ARHGAP11A: variants seen among roughly 807,000 people sequenced by gnomAD.
ARHGAP11A encodes rho GTPase-activating protein 11A.
Under a neutral mutation model 60.5 loss-of-function variants are expected in ARHGAP11A, and 36 were observed. That is an observed-to-expected ratio of 0.59 (90% confidence interval 0.46 to 0.79). The LOEUF is 0.79. Ranked by LOEUF, ARHGAP11A falls within the 30% of genes least tolerant of loss-of-function variation. ARHGAP11A has a pLI of 0.00. For missense variants in ARHGAP11A, 1,071 were observed against 1,199.2 expected, an observed-to-expected ratio of 0.89 and a Z score of 1.58; for synonymous variants, 362 against 415.5, an observed-to-expected ratio of 0.87 and a Z score of 1.57.
chr15:32,616,289 C>G lies in ARHGAP11A; in HGVS notation c.78C>G (p.Val26=), dbSNP rs770793060. Residue 26 remains valine (V), a synonymous_variant, in exon 1 of 12, where the codon GTC becomes GTG. Coordinates refer to ENST00000361627, the MANE Select transcript of ARHGAP11A (RefSeq NM_014783.6). ...RAFYGIKVKG[V]RGQCDRRRHE... is the part of the protein sequence containing the mutation. ...TCTATGGTATTAAGGTGAAGGGTGT[C>G]CGTGGGCAGTGCGATCGCAGGAGAC... 11 of 1,613,816 alleles carry G rather than the reference C, an allele frequency of 6.8e-6. No homozygotes were observed. Among genetic ancestry groups the G allele is most frequent in the Non-Finnish European group, 8.5e-6 (10 of 1,179,992 alleles).
chr15:32,635,889 A>T lies in ARHGAP11A; in HGVS notation c.1457A>T (p.Asp486Val), dbSNP rs753853847. Residue 486 changes from aspartate (D) to valine (V), a missense_variant, in exon 11 of 12, where the codon GAT becomes GTT. Asp to Val is a radical substitution (Grantham distance 152). Around this residue, in one of 4 missense-constraint regions of ARHGAP11A, gnomAD observed 776 missense variants for 760.2 expected, o/e 1.02. Transcript: ENST00000361627. ...AAAACAGGTTTGCTTTTTAGCCCAG[A>T]TGTTGATGAAAAGTTACCAAAGAAA... ...SVKTGLLFSP[D>V]VDEKLPKKGS... The T allele has an allele frequency of 3.7e-6, 6 of 1,610,098 alleles. No individual in the cohort carries two copies. The highest frequency in any genetic ancestry group is 5.1e-6 in the Non-Finnish European group (6 of 1,178,900).
rs947101704 is a variant in ARHGAP11A, at chr15:32,615,917, A to T, written c.-295A>T. 4.4e-6 allele frequency: 2 copies of T among 452,502 alleles called. No homozygotes were observed. Among genetic ancestry groups the T allele is most frequent in the East Asian group, 7.1e-5 (2 of 28,152 alleles). 28.0% of individuals were successfully genotyped at this position (452,502 alleles called of 1,614,324 possible). A position where few individuals can be genotyped will look rare whatever the true frequency, so the allele number is the denominator to read the frequency against. On this transcript the variant is annotated 5_prime_UTR_variant, in exon 1 of 12. The change abolishes an upstream ATG in the 5' untranslated region. Coordinates refer to ENST00000361627, the MANE Select transcript of ARHGAP11A (RefSeq NM_014783.6). ...AACCGAAAGAATCAGAAAGAAGTCT[A>T]TGTGAGTAGCTGAAAGCATTGGGTG...
At chr15:32,627,811 C>CTTT (rs369719619) in intron 6 of ARHGAP11A, among the ~76,000 whole-genome samples, 7 of 135,760 alleles carry the variant, frequency 5.2e-5, no homozygotes, top group African/African-American at 1.1e-4. Flanking sequence ...TTAAGGCTCA[C>CTTT]TTTTTTTTTT....
intron 1 of ARHGAP11A, among the ~76,000 whole-genome samples, chr15:32,617,929 C>T (rs1348861561): frequency 6.6e-6 from 1 of 152,140 alleles, no homozygotes; most frequent in Non-Finnish European, 1.5e-5. Context: ...ACGTATTTCT[C>T]CTTGGATTAT....
intron 1 of ARHGAP11A, 26 bp downstream of exon 1, chr15:32,616,366 G>C: frequency 6.2e-7 from 1 of 1,612,766 alleles, no homozygotes; most frequent in Non-Finnish European, 8.5e-7. Flanking sequence ...AGGGATTTAG[G>C]TTTAAAAGAA....
chr15:32,630,836 A>G (rs1436347213), intron 8 of ARHGAP11A, among the ~76,000 whole-genome samples: 1 of 151,974 alleles, frequency 6.6e-6, no homozygotes, highest in Admixed American at 6.6e-5. Context: ...CAGGTTGGAG[A>G]CTTAAACTTT....
At chr15:32,634,769 A>G (rs1327334122) in intron 10 of ARHGAP11A, among the ~76,000 whole-genome samples, 5 of 152,182 alleles carry the variant, frequency 3.3e-5, no homozygotes, top group African/African-American at 1.2e-4. Context: ...TAAGCCAAAA[A>G]CCATGGTCAA....
At chr15:32,616,384 A>G in intron 1 of ARHGAP11A, 44 bp downstream of exon 1, 1 of 1,610,820 alleles carries the variant, frequency 6.2e-7, no homozygotes, top group Non-Finnish European at 8.5e-7. Flanking sequence ...GAAAGGGCAC[A>G]CCCTTTATCA....
At chr15:32,622,789 T>C (rs932590001) in intron 2 of ARHGAP11A, among the ~76,000 whole-genome samples, 2 of 152,158 alleles carry the variant, frequency 1.3e-5, no homozygotes, top group African/African-American at 2.4e-5. Flanking sequence ...AGGGATAATG[T>C]TGGGGTGAGG....
Position 32,633,026 on chromosome 15 carries a change from C to A in ARHGAP11A, c.1153C>A (p.Pro385Thr). 1 of 1,614,042 alleles carries A rather than the reference C, an allele frequency of 6.2e-7. No homozygotes were observed. The highest frequency in any genetic ancestry group is 8.5e-7 in the Non-Finnish European group (1 of 1,179,926). Residue 385 changes from proline (P) to threonine (T), a missense_variant, in exon 9 of 12, where the codon CCT becomes ACT. By Grantham distance (38) the Pro-to-Thr change is conservative (BLOSUM62 -1). Around this residue, in one of 4 missense-constraint regions of ARHGAP11A, gnomAD observed 776 missense variants for 760.2 expected, o/e 1.02. Coordinates refer to ENST00000361627, the MANE Select transcript of ARHGAP11A (RefSeq NM_014783.6). ...AGGGTCATCTCAGAGTTCACTCTCT[C>A]CTGTACTCATTGGTGGAAACCATTT... ...SEGSSQSSLS[P>T]VLIGGNHLIT... is the part of the protein sequence containing the mutation.
intron 9 of ARHGAP11A, 71 bp from the exon 10 acceptor site, chr15:32,633,862 A>T: frequency 1.1e-6 from 1 of 930,428 alleles, no homozygotes. Flanking sequence ...ACTTTATTTC[A>T]AATTTCGTAT....
rs772533903 is a variant in ARHGAP11A, at chr15:32,637,363, G to C, written c.2590G>C (p.Gly864Arg). The change falls in exon 12 of 12, where the codon GGT becomes CGT. Residue 864 changes from glycine (G) to arginine (R), a missense_variant. Around this residue, in one of 4 missense-constraint regions of ARHGAP11A, gnomAD observed 776 missense variants for 760.2 expected, o/e 1.02. Transcript: ENST00000361627. Reference sequence around the variant, plus strand: ...TACAGGGCATAAGTTGGCGAGTCTTGGTGATACAGCTTCTCCTTTGGTCAA... The same window carrying C: ...TACAGGGCATAAGTTGGCGAGTCTTCGTGATACAGCTTCTCCTTTGGTCAA... ...QPTGHKLASL[G>R]DTASPLVKSV... 1.2e-5 allele frequency: 20 copies of C among 1,614,024 alleles called. 1 individual carries two copies. In the Admixed American group the frequency reaches 3.2e-4, roughly 26 times the overall value.
At chr15:32,625,723 C>G in intron 6 of ARHGAP11A, 90 bp downstream of exon 6, 1 of 1,367,048 alleles carries the variant, frequency 7.3e-7, no homozygotes. Context: ...GTGGTATGTG[C>G]CTTTTTGGTG....
At chr15:32,634,780 A>G (rs2053667856) in intron 10 of ARHGAP11A, among the ~76,000 whole-genome samples, 1 of 152,164 alleles carries the variant, frequency 6.6e-6, no homozygotes, top group Non-Finnish European at 1.5e-5. Context: ...CCATGGTCAA[A>G]TCCTTGATTC....
At chr15:32,619,401 C>T (rs2053243183) in intron 1 of ARHGAP11A, among the ~76,000 whole-genome samples, 1 of 152,216 alleles carries the variant, frequency 6.6e-6, no homozygotes, top group African/African-American at 2.4e-5. Context: ...TGTGCAAAAA[C>T]ATTCAAGTTA....
In ARHGAP11A at chr15:32,636,955, T is replaced by C; in HGVS notation, c.2182T>C (p.Ser728Pro). 6.2e-7 allele frequency: 1 copy of C among 1,608,574 alleles called. No homozygotes were observed. Among genetic ancestry groups the C allele is most frequent in the Non-Finnish European group, 8.5e-7 (1 of 1,178,634 alleles). The change falls in exon 12 of 12, where the codon TCC (serine) becomes CCC (proline). Residue 728 changes from serine to proline, a missense_variant. Physicochemically the swap from Ser to Pro is moderately conservative, Grantham distance 74. This residue lies in a region of ARHGAP11A where 776 missense variants were observed against 760.2 expected (regional missense o/e 1.02). Transcript: ENST00000361627. ...TGATGAAGAAATAAAGAAACAGCAG[T>C]CCCCAAAGGATAAACTAAATAATAA... Reference protein sequence around the residue: ...SSDEEIKKQQSPKDKLNNKLK... With the variant: ...SSDEEIKKQQPPKDKLNNKLK...
chr15:32,634,897 A>C (rs1179700907), intron 10 of ARHGAP11A, among the ~76,000 whole-genome samples: 1 of 151,902 alleles, frequency 6.6e-6, no homozygotes, highest in Non-Finnish European at 1.5e-5. Context: ...TACTTTTCCC[A>C]CTTTCTCTAA....
chr15:32,615,971 G>A lies in ARHGAP11A; in HGVS notation c.-241G>A. 1.8e-6 allele frequency: 1 copy of A among 550,270 alleles called. No individual in the cohort carries two copies. Among genetic ancestry groups the A allele is most frequent in the East Asian group, 3.0e-5 (1 of 33,400 alleles). The allele number at this position is 550,270 out of a possible 1,614,324, so 34.1% of individuals were successfully genotyped here. A position where few individuals can be genotyped will look rare whatever the true frequency, so the allele number is the denominator to read the frequency against. On this transcript the variant is annotated 5_prime_UTR_variant, in exon 1 of 12. Transcript: ENST00000361627. ...AGAAAGAAGGTCGGTGTAAGTGAAG[G>A]AAGAGTGAGGTGTGGCTGGATCAAA...
Position 32,635,929 on chromosome 15 carries a change from C to G in ARHGAP11A, c.1483+14C>G, listed in dbSNP as rs762576849. 1.3e-6 allele frequency: 2 copies of G among 1,585,586 alleles called. No individual in the cohort carries two copies. The highest frequency in any genetic ancestry group is 1.9e-5 in the Admixed American group (1 of 53,380). On this transcript the variant is annotated intron_variant, in intron 11 of 11. Coordinates refer to ENST00000361627, the MANE Select transcript of ARHGAP11A (RefSeq NM_014783.6). ...TACCAAAGAAAGGTACATTTACATA[C>G]TACTGTTAGAGTTTTACCTAAAAAT...
Sources: gnomAD v4.1 joint callset for allele counts (sites outside exome capture counted in the v4.1 genomes callset) on GRCh38, gnomAD v4.1.1 for gene constraint, gnomAD v4.1.1 regional missense constraint, MANE v1.5 for transcripts, NCBI Gene and HGNC (gene_info 2026-07-23, HGNC 2026-07-21) for gene names.